The following FRAS1 variants were observed in gnomAD, a reference collection of about 807,000 sequenced individuals.
FRAS1 encodes the protein Fraser extracellular matrix complex subunit 1.
A neutral mutation model predicts 435.2 loss-of-function variants in FRAS1; 290 were observed. That is an observed-to-expected ratio of 0.67 (90% CI 0.61 to 0.73). The LOEUF is 0.73. Among genes scored for constraint, FRAS1 ranks in the 30% least tolerant of loss-of-function variants. FRAS1 has a pLI of 0.00. For missense variants in FRAS1, 4,860 were observed against 5,001.5 expected (o/e 0.97, Z 0.85); for synonymous variants, 1,800 against 1,851.0 (o/e 0.97, Z 0.71).
intron 38 of FRAS1, among the ~76,000 whole-genome samples, chr4:78,434,932 T>C (rs1418675175): frequency 6.6e-6 from 1 of 152,042 alleles, no homozygotes; most frequent in Admixed American, 6.6e-5. Flanking sequence ...AGTAGGAACA[T>C]TTAGTATTGA....
At chr4:78,521,704 T>A in intron 68 of FRAS1, 74 bp downstream of exon 68, 1 of 934,390 alleles carries the variant, frequency 1.1e-6, no homozygotes, top group Non-Finnish European at 1.7e-6. Flanking sequence ...GTTGAAAGAA[T>A]AGAACAGTAA....
At chr4:78,458,321 A>T (rs1444981452) in intron 47 of FRAS1, among the ~76,000 whole-genome samples, 1 of 152,208 alleles carries the variant, frequency 6.6e-6, no homozygotes, top group East Asian at 1.9e-4. Context: ...TCATGACTGC[A>T]CTTTAAGGGC....
chr4:78,084,907 C>T (rs902472835), intron 2 of FRAS1, among the ~76,000 whole-genome samples: 2 of 152,022 alleles, frequency 1.3e-5, no homozygotes, highest in South Asian at 2.1e-4. Flanking sequence ...CCTATGCTTC[C>T]ATTAAAAATT....
chr4:78,294,225 T>G (rs2110198160), intron 14 of FRAS1, among the ~76,000 whole-genome samples: 1 of 152,358 alleles, frequency 6.6e-6, no homozygotes, highest in South Asian at 2.1e-4. Flanking sequence ...GCTGTGTTAG[T>G]GCAGCCAGGA....
intron 6 of FRAS1, among the ~76,000 whole-genome samples, chr4:78,262,213 T>C (rs1309908313): frequency 6.6e-6 from 1 of 152,196 alleles, no homozygotes; most frequent in Non-Finnish European, 1.5e-5. Flanking sequence ...CTTTGAAGGC[T>C]CTTTCCATGT....
chr4:78,263,480 GT>G (rs1405369837), intron 6 of FRAS1, among the ~76,000 whole-genome samples: 1 of 152,158 alleles, frequency 6.6e-6, no homozygotes, highest in Non-Finnish European at 1.5e-5. Context: ...TCTACTCCAC[GT>G]TGCTTAAGAT....
chr4:78,318,190 CAGAATCTTTTAA>C (rs1470019201), intron 17 of FRAS1, among the ~76,000 whole-genome samples: 1 of 152,168 alleles, frequency 6.6e-6, no homozygotes, highest in African/African-American at 2.4e-5. Context: ...AGAAAATTTA[CAGAATCTTTTAA>C]AGAACGGGAG....
At chr4:78,129,070 T>C (rs546824710) in intron 2 of FRAS1, among the ~76,000 whole-genome samples, 19 of 152,220 alleles carry the variant, frequency 1.2e-4, no homozygotes, top group African/African-American at 3.1e-4. Context: ...GTTGTAGATA[T>C]GCGGCATTAT....
chr4:78,441,023 C>T (rs1490402010), intron 40 of FRAS1, 139 bp from the exon 41 acceptor site: 8 of 712,106 alleles, frequency 1.1e-5, no homozygotes, highest in South Asian at 1.9e-5. Flanking sequence ...TTCCTCATCT[C>T]GTCTGTAGAT....
chr4:78,214,536 C>T (rs539138456), intron 2 of FRAS1, among the ~76,000 whole-genome samples: 3 of 152,272 alleles, frequency 2.0e-5, no homozygotes, highest in Admixed American at 6.5e-5. Context: ...AAAGCAAATC[C>T]TTCATTGTAT....
chr4:78,337,639 G>A, intron 19 of FRAS1, 35 bp from the exon 20 acceptor site: 1 of 1,602,732 alleles, frequency 6.2e-7, no homozygotes, highest in Non-Finnish European at 8.5e-7. Flanking sequence ...ATGCTGAGCT[G>A]CTAATTCCAA....
At chr4:78,177,841 G>A (rs1002459071) in intron 2 of FRAS1, among the ~76,000 whole-genome samples, 4 of 152,130 alleles carry the variant, frequency 2.6e-5, no homozygotes, top group Non-Finnish European at 4.4e-5. Flanking sequence ...GTTACTGAAC[G>A]CTGTTGATCC....
At chr4:78,187,598 CT>C (rs962056968) in intron 2 of FRAS1, among the ~76,000 whole-genome samples, 1 of 151,120 alleles carries the variant, frequency 6.6e-6, no homozygotes, top group Admixed American at 6.6e-5. Context: ...TGTTGCTATC[CT>C]TTTTTTTTCT....
chr4:78,354,802 A>G (rs1196488882), intron 20 of FRAS1, among the ~76,000 whole-genome samples: 2 of 152,204 alleles, frequency 1.3e-5, no homozygotes, highest in Non-Finnish European at 2.9e-5. Context: ...CTGCTCCATA[A>G]AACCAACATC....
intron 59 of FRAS1, 105 bp downstream of exon 59, chr4:78,489,185 A>G (rs1342210119): frequency 2.0e-6 from 2 of 1,020,330 alleles, no homozygotes; most frequent in East Asian, 5.2e-5. Flanking sequence ...AATTTTGTAT[A>G]CTACAGGTGA....
intron 15 of FRAS1, among the ~76,000 whole-genome samples, chr4:78,308,925 G>C (rs942915232): frequency 2.0e-4 from 30 of 152,362 alleles, no homozygotes; most frequent in Admixed American, 6.5e-5. Context: ...CCGTGGAACT[G>C]TCATGTGTTC....
chr4:78,204,745 A>C (rs2110079225), intron 2 of FRAS1, among the ~76,000 whole-genome samples: 1 of 152,348 alleles, frequency 6.6e-6, no homozygotes, highest in Non-Finnish European at 1.5e-5. Context: ...TGTATTCTTT[A>C]AAATTCAAAA....
chr4:78,480,663 G>C (rs922078863), intron 56 of FRAS1, among the ~76,000 whole-genome samples: 48 of 152,318 alleles, frequency 3.2e-4, no homozygotes, highest in African/African-American at 1.0e-3. Flanking sequence ...TCAGTGGGCA[G>C]GTCACTTTCA....
intron 2 of FRAS1, among the ~76,000 whole-genome samples, chr4:78,076,861 G>GTC (rs897615603): frequency 1.3e-5 from 2 of 152,120 alleles, no homozygotes; most frequent in African/African-American, 4.8e-5. Context: ...AGAGAAATAA[G>GTC]TATCCTTTTA....
Sources: gnomAD v4.1 joint callset for allele counts (sites outside exome capture counted in the v4.1 genomes callset) on GRCh38, gnomAD v4.1.1 for gene constraint, MANE v1.5 for transcripts, NCBI Gene and HGNC (gene_info 2026-07-23, HGNC 2026-07-21) for gene names.